The following KMT2D variants were observed in gnomAD, a reference collection of about 807,000 sequenced individuals.
KMT2D encodes the protein histone-lysine N-methyltransferase 2D.
A neutral mutation model predicts 512.7 loss-of-function variants in KMT2D; 55 were observed. The observed-to-expected ratio is 0.11, with a 90% CI of 0.09 to 0.13. The LOEUF (loss-of-function observed/expected upper bound fraction) is 0.13, where lower values mean the gene tolerates loss of function less well. Ranked by LOEUF, KMT2D falls within the 10% of genes least tolerant of loss-of-function variation. The pLI, the probability that KMT2D is intolerant of heterozygous loss-of-function variation, is 1.00. For missense variants in KMT2D, 6,061 were observed against 7,127.9 expected (o/e 0.85, Z 5.39); for synonymous variants, 2,995 against 2,904.0 (o/e 1.03, Z -1.01).
intron 43 of KMT2D, among the ~76,000 whole-genome samples, chr12:49,029,693 T>TC (rs1299282586): frequency 1.6e-5 from 2 of 123,972 alleles, no homozygotes; most frequent in African/African-American, 6.3e-5. Context: ...TTTTTTTTTT[T>TC]CCCGTAGAGA....
intron 48 of KMT2D, among the ~76,000 whole-genome samples, 181 bp from the exon 49 acceptor site, chr12:49,027,503 C>T (rs1942662351): frequency 6.6e-6 from 1 of 151,702 alleles, no homozygotes; most frequent in Non-Finnish European, 1.5e-5. Flanking sequence ...CAGGCTGGAT[C>T]CAGTGGCACA....
intron 48 of KMT2D, 147 bp downstream of exon 48, chr12:49,027,656 T>C (rs1316182884): frequency 4.0e-6 from 4 of 1,006,474 alleles, no homozygotes; most frequent in South Asian, 1.6e-5. Context: ...GGTTTCGCCA[T>C]GTTGGCCAGG....
intron 19 of KMT2D, 141 bp downstream of exon 19, chr12:49,045,779 G>A (rs1284337454): frequency 4.0e-6 from 3 of 750,864 alleles, no homozygotes; most frequent in Non-Finnish European, 7.0e-6. Context: ...CTTACTAGGT[G>A]ACCTTGGGCA....
chr12:49,041,800 A>C lies in KMT2D; in HGVS notation c.6184-95T>G. 1 of 1,519,208 alleles carries C rather than the reference A, an allele frequency of 6.6e-7. No homozygotes were observed. Among genetic ancestry groups the C allele is most frequent in the Non-Finnish European group, 9.0e-7 (1 of 1,114,766 alleles). The allele number at this position is 1,519,208 out of a possible 1,614,324, so 94.1% of individuals were successfully genotyped here. On this transcript the variant is annotated intron_variant, in intron 30 of 54. Transcript: ENST00000301067. The surrounding 1 kb of genome is among the most constrained non-coding windows in gnomAD (Gnocchi z 5.4). ...TTTCACACTCCCTACCCAGAAGCAG[A>C]TCCCTTCTGGCCCAGCTGCTTTAGG...
chr12:49,038,847 A>C lies in KMT2D; in HGVS notation c.8509T>G (p.Phe2837Val). ...AGTTCAGGTCCAGGAGTTGATGGAA[A>C]GCGAGCTGACATGGCAAATCGCATG... ...TSMRFAMSARFPSTPGPELGR... is the reference protein window; with the variant it reads ...TSMRFAMSARVPSTPGPELGR... Residue 2837 changes from phenylalanine (F) to valine (V), a missense_variant, in exon 35 of 55, where the codon TTT (phenylalanine) becomes GTT (valine). Phe to Val is a conservative substitution (Grantham distance 50). Transcript: ENST00000301067. The surrounding 1 kb of genome is among the most constrained non-coding windows in gnomAD (Gnocchi z 5.7). The C allele has an allele frequency of 6.4e-7, 1 of 1,554,282 alleles. No individual in the cohort carries two copies. The highest frequency in any genetic ancestry group is 8.7e-7 in the Non-Finnish European group (1 of 1,148,432).
At chr12:49,029,680 T>G (rs1036111061) in intron 43 of KMT2D, among the ~76,000 whole-genome samples, 2 of 142,336 alleles carry the variant, frequency 1.4e-5, no homozygotes, top group African/African-American at 5.8e-5. Flanking sequence ...TTTTTTTGTT[T>G]TTTTTTTTTT....
chr12:49,037,662 C>G lies in KMT2D; in HGVS notation c.9694G>C (p.Glu3232Gln), dbSNP rs1943287019. ...AGTGAGCTCTCCATCTTGTCTAGCTCATCCCCAGATGCTGCAGGTCCACCA... is the reference window on the plus strand; with the variant it reads ...AGTGAGCTCTCCATCTTGTCTAGCTGATCCCCAGATGCTGCAGGTCCACCA... The part of the protein sequence containing the change: ...LPGGPAASGD[E>Q]LDKMESSLVA... Residue 3232 changes from glutamate (E) to glutamine (Q), a missense_variant, in exon 35 of 55, where the codon GAG (glutamate) becomes CAG (glutamine). Transcript: ENST00000301067. 1 of 1,580,712 alleles carries G rather than the reference C, an allele frequency of 6.3e-7. No homozygotes were observed. The highest frequency in any genetic ancestry group is 8.6e-7 in the Non-Finnish European group (1 of 1,163,260).
In KMT2D at chr12:49,037,865, C is replaced by T. The variant is rs587783730; in HGVS notation, c.9491G>A (p.Arg3164Gln). Residue 3164 changes from arginine to glutamine, a missense_variant, in exon 35 of 55, where the codon CGG (arginine) becomes CAG (glutamine). By Grantham distance (43) the Arg-to-Gln change is conservative. Coordinates refer to ENST00000301067, the MANE Select transcript of KMT2D (RefSeq NM_003482.4). ...LKPGQSMMGSRDTRMGTGPFS... is the reference protein window; with the variant it reads ...LKPGQSMMGSQDTRMGTGPFS... The stretch of plus-strand genomic sequence containing the variant: ...TGGCCCTGTGCCCATCCGGGTATCC[C>T]GGCTGCCCATCATGCTCTGTCCTGG... 9 of 1,596,014 alleles carry T rather than the reference C, an allele frequency of 5.6e-6. No homozygotes were observed. Among genetic ancestry groups the T allele is most frequent in the Middle Eastern group, 1.6e-4 (1 of 6,068 alleles).
chr12:49,031,403 C>T lies in KMT2D; in HGVS notation c.13302G>A (p.Glu4434=), dbSNP rs771959043. 1.2e-6 allele frequency: 2 copies of T among 1,613,700 alleles called. No individual in the cohort carries two copies. Among genetic ancestry groups the T allele is most frequent in the East Asian group, 2.2e-5 (1 of 44,882 alleles). The part of the protein sequence containing the change: ...CALGAQSVKR[E]ANGEPIGAPG... ...GTGCCCCTATTGGCTCCCCATTGGC[C>T]TCCCTCTTCACTGACTGGGCTCCCA... The change falls in exon 40 of 55, where the codon GAG becomes GAA. Residue 4434 remains glutamate (E), a synonymous_variant. Transcript: ENST00000301067.
rs587778479 is a variant in KMT2D, at chr12:49,031,725, C to T, written c.12980G>A (p.Ser4327Asn). The stretch of plus-strand genomic sequence containing the variant: ...CTGGGCCTCAGTGGGAAGCTGGGAG[C>T]TGGGGGAAGGTAATTGTGAAGGTCT... ...PKRPSQLPSP[S>N]SQLPTEAQLP... Residue 4327 changes from serine to asparagine, a missense_variant, in exon 40 of 55, where the codon AGC (serine) becomes AAC (asparagine). Ser to Asn is a conservative substitution (Grantham distance 46, BLOSUM62 1). This residue lies in a region of KMT2D where 1,600 missense variants were observed against 1,754.9 expected (regional missense o/e 0.91). Coordinates refer to ENST00000301067, the MANE Select transcript of KMT2D (RefSeq NM_003482.4). The T allele has an allele frequency of 5.8e-5, 94 of 1,612,832 alleles. No individual in the cohort carries two copies. The highest frequency in any genetic ancestry group is 7.8e-5 in the Non-Finnish European group (92 of 1,179,486).
chr12:49,023,007 T>G, intron 51 of KMT2D, 132 bp from the exon 52 acceptor site: 1 of 1,010,064 alleles, frequency 9.9e-7, no homozygotes, highest in Non-Finnish European at 1.4e-6. Context: ...GCACTGGAAG[T>G]GCAGCCTTGG....
chr12:49,045,698 A>G (rs1943752792), intron 19 of KMT2D, among the ~76,000 whole-genome samples: 1 of 151,920 alleles, frequency 6.6e-6, no homozygotes. Flanking sequence ...TGAAGAGACC[A>G]TGGTGCCTGA....
intron 35 of KMT2D, 40 bp downstream of exon 35, chr12:49,037,085 T>C: frequency 4.6e-6 from 7 of 1,527,864 alleles, no homozygotes; most frequent in Non-Finnish European, 6.2e-6. Context: ...ATAACAATAA[T>C]CACCCTGAGT....
rs749999492 is a variant in KMT2D at position 49,037,668 on chromosome 12, C to A, written c.9688G>T (p.Gly3230Trp). Residue 3230 changes from glycine (G) to tryptophan (W), a missense_variant, in exon 35 of 55, where the codon GGG becomes TGG. Gly to Trp is a radical substitution (Grantham distance 184). Around this residue, in one of 16 missense-constraint regions of KMT2D, gnomAD observed 533 missense variants for 539.6 expected, o/e 0.99. Transcript: ENST00000301067. ...CTCTCCATCTTGTCTAGCTCATCCC[C>A]AGATGCTGCAGGTCCACCAGGCAAG... ...LTLPGGPAASGDELDKMESSL... is the reference protein window; with the variant it reads ...LTLPGGPAASWDELDKMESSL... 5 of 1,582,188 alleles carry A rather than the reference C, an allele frequency of 3.2e-6. No individual in the cohort carries two copies. The highest frequency in any genetic ancestry group is 4.3e-6 in the Non-Finnish European group (5 of 1,164,006).
rs748986705 is a variant in KMT2D, at chr12:49,033,122, T to TTGCTGC, written c.11577_11582dup (p.Gln3862_Gln3863dup). 23 of 1,551,152 alleles carry TTGCTGC rather than the reference T, an allele frequency of 1.5e-5. No individual in the cohort carries two copies. The highest frequency in any genetic ancestry group is 3.6e-5 in the South Asian group (3 of 84,048). On this transcript the variant is annotated inframe_insertion, in exon 40 of 55. Coordinates refer to ENST00000301067, the MANE Select transcript of KMT2D (RefSeq NM_003482.4). Reference sequence around the variant, plus strand: ...TGGACCCTTGCTGTTGGTGCTGTTGTTGCTGCTGCTGCTGCTGGGCTGTGA... The same window carrying TTGCTGC: ...TGGACCCTTGCTGTTGGTGCTGTTGTTGCTGCTGCTGCTGCTGCTGCTGGGCTGTGA...
rs1459471282 is a variant in KMT2D, at chr12:49,024,841, G to A, written c.15890C>T (p.Thr5297Met). Residue 5297 changes from threonine (T) to methionine (M), a missense_variant, in exon 50 of 55, where the codon ACG (threonine) becomes ATG (methionine). Transcript: ENST00000301067. This position sits in a 1 kb window ranked among gnomAD's most constrained non-coding sequence, Gnocchi z 4.5. Reference sequence around the variant, plus strand: ...AGCTATGCGAAGCACGGCATGCACCGTCAGCCCAAAGAGCTCCTCGCCCTT... The same window carrying A: ...AGCTATGCGAAGCACGGCATGCACCATCAGCCCAAAGAGCTCCTCGCCCTT... Reference protein sequence around the residue: ...YLKGEELFGLTVHAVLRIAES... With the variant: ...YLKGEELFGLMVHAVLRIAES... 5 of 1,612,466 alleles carry A rather than the reference G, an allele frequency of 3.1e-6. No individual in the cohort carries two copies. Among genetic ancestry groups the A allele is most frequent in the African/African-American group, 1.3e-5 (1 of 74,950 alleles).
Position 49,052,176 on chromosome 12 carries a change from G to C in KMT2D, c.1507C>G (p.Leu503Val), listed in dbSNP as rs1400977969. The C allele has an allele frequency of 6.2e-7, 1 of 1,612,822 alleles. No homozygotes were observed. The highest frequency in any genetic ancestry group is 8.5e-7 in the Non-Finnish European group (1 of 1,179,504). ...GGTGATGATTCAGGTGGGGGAGACA[G>C]AGGAGACTCCTCAGGCGGCGGAGAG... Reference protein sequence around the residue: ...PLSPPPEESPLSPPPESSPFS... With the variant: ...PLSPPPEESPVSPPPESSPFS... The change falls in exon 11 of 55, where the codon CTG (leucine) becomes GTG (valine). Residue 503 changes from leucine (L) to valine (V), a missense_variant. By Grantham distance (32) the Leu-to-Val change is conservative. Around this residue, in one of 16 missense-constraint regions of KMT2D, gnomAD observed 848 missense variants for 838.5 expected, o/e 1.01. Transcript: ENST00000301067.
Position 49,039,365 on chromosome 12 carries a change from G to A in KMT2D, c.8230-7C>T. ...CCACAAGGCTGCTCTTGTCCTAGAAGAGACAAGGTAGATGAAGGTGGAGCA... is the reference window on the plus strand; with the variant it reads ...CCACAAGGCTGCTCTTGTCCTAGAAAAGACAAGGTAGATGAAGGTGGAGCA... On this transcript the variant is annotated splice_region_variant and splice_polypyrimidine_tract_variant and intron_variant, in intron 33 of 54. Coordinates refer to ENST00000301067, the MANE Select transcript of KMT2D (RefSeq NM_003482.4). This position sits in a 1 kb window ranked among gnomAD's most constrained non-coding sequence, Gnocchi z 5.0. 1 of 1,611,288 alleles carries A rather than the reference G, an allele frequency of 6.2e-7. No homozygotes were observed. The highest frequency in any genetic ancestry group is 8.5e-7 in the Non-Finnish European group (1 of 1,178,478).
In KMT2D at chr12:49,029,552, G is replaced by A. The variant is rs1206265670; in HGVS notation, c.14000-76C>T. 5 of 1,077,860 alleles carry A rather than the reference G, an allele frequency of 4.6e-6. No individual in the cohort carries two copies. In the East Asian group the frequency reaches 1.0e-4, roughly 22 times the overall value. 66.8% of individuals were successfully genotyped at this position (1,077,860 alleles called of 1,614,324 possible). On this transcript the variant is annotated intron_variant, in intron 43 of 54. Transcript: ENST00000301067. ...ATGGTACCTTCTCCCAATATTTTAG[G>A]CCTAATTAGCATGAGATCTCAGCTA...
Sources: gnomAD v4.1 joint callset for allele counts (sites outside exome capture counted in the v4.1 genomes callset) on GRCh38, gnomAD v4.1.1 for gene constraint, gnomAD v4.1.1 regional missense constraint, Gnocchi (gnomAD v3.1) non-coding constraint, MANE v1.5 for transcripts, NCBI Gene and HGNC (gene_info 2026-07-23, HGNC 2026-07-21) for gene names.